CABLES1: variants seen among roughly 807,000 people sequenced by gnomAD.
CABLES1 encodes the protein CDK5 and ABL1 enzyme substrate 1.
In CABLES1, 36 loss-of-function variants were observed where a neutral mutation model predicts 57.8. That is an observed-to-expected ratio of 0.62 (90% CI 0.48 to 0.82). CABLES1 has a LOEUF of 0.82. Ranked by LOEUF, CABLES1 falls within the 40% of genes least tolerant of loss-of-function variation. The pLI is 0.00. For missense variants in CABLES1, 767 were observed against 836.6 expected, an observed-to-expected ratio of 0.92 and a Z score of 1.03; for synonymous variants, 374 against 363.0, an observed-to-expected ratio of 1.03 and a Z score of -0.35.
chr18:23,135,173 G>A, upstream of CABLES1, among the ~76,000 whole-genome samples: 1 of 152,166 alleles, frequency 6.6e-6, no homozygotes, highest in South Asian at 2.1e-4. Flanking sequence ...GCGCGCGGGG[G>A]AAACGTGCTC....
chr18:23,194,403 C>T (rs375409343), intron 2 of CABLES1, 45 bp from the exon 3 acceptor site: 1 of 1,251,936 alleles, frequency 8.0e-7, no homozygotes, highest in Non-Finnish European at 1.2e-6. Context: ...TCTCAGCTGT[C>T]CAGCAGGCAA....
At chr18:23,178,205 G>A (rs1200079475) in intron 1 of CABLES1, among the ~76,000 whole-genome samples, 3 of 151,314 alleles carry the variant, frequency 2.0e-5, no homozygotes, top group Non-Finnish European at 2.9e-5. Context: ...AAACCTTTTC[G>A]GATCCTGATT....
chr18:23,179,154 C>T (rs1459808721), intron 1 of CABLES1, among the ~76,000 whole-genome samples: 1 of 151,938 alleles, frequency 6.6e-6, no homozygotes, highest in Non-Finnish European at 1.5e-5. Context: ...GGTATTGTGG[C>T]GGGTCCCTGT....
intron 4 of CABLES1, among the ~76,000 whole-genome samples, chr18:23,226,317 G>A (rs570845425): frequency 6.6e-6 from 1 of 151,652 alleles, no homozygotes; most frequent in South Asian, 2.1e-4. Flanking sequence ...CAGGAGAATT[G>A]CTTGAACCTG....
intron 7 of CABLES1, among the ~76,000 whole-genome samples, chr18:23,240,764 A>G (rs12458523): frequency 0.36 from 54,997 of 152,112 alleles, 10,296 homozygotes; most frequent in Admixed American, 0.49. Flanking sequence ...AGAGGCGCCC[A>G]CCTGAAATCC....
Position 23,136,323 on chromosome 18 carries a change from T to A in CABLES1, c.561T>A (p.Pro187=). ...GEQWQPPRPA[P]LAACAQLQLL... Reference sequence around the variant, plus strand: ...AGTGGCAGCCGCCCCGGCCGGCGCCTCTCGCCGCCTGTGCCCAACTGCAGC... The same window carrying A: ...AGTGGCAGCCGCCCCGGCCGGCGCCACTCGCCGCCTGTGCCCAACTGCAGC... The change falls in exon 1 of 10, where the codon CCT becomes CCA. Residue 187 remains proline, a synonymous_variant. Coordinates refer to ENST00000256925, the MANE Select transcript of CABLES1 (RefSeq NM_001100619.3). 8 of 1,405,972 alleles carry A rather than the reference T, an allele frequency of 5.7e-6. No individual in the cohort carries two copies. The highest frequency in any genetic ancestry group is 7.4e-6 in the Non-Finnish European group (8 of 1,085,046). The allele number at this position is 1,405,972 out of a possible 1,614,324, so 87.1% of individuals were successfully genotyped here.
At chr18:23,234,082 G>A (rs1160272022) in intron 4 of CABLES1, among the ~76,000 whole-genome samples, 2 of 152,186 alleles carry the variant, frequency 1.3e-5, no homozygotes, top group East Asian at 3.8e-4. Context: ...GCCGGCCGTG[G>A]TGGTGCGCGC....
intron 1 of CABLES1, among the ~76,000 whole-genome samples, chr18:23,156,578 A>G (rs1179006541): frequency 6.6e-6 from 1 of 152,254 alleles, no homozygotes; most frequent in Non-Finnish European, 1.5e-5. Flanking sequence ...GCAAGCACTG[A>G]ATTAGGAAAT....
At chr18:23,215,503 T>G (rs1340075132) in intron 4 of CABLES1, among the ~76,000 whole-genome samples, 1 of 152,204 alleles carries the variant, frequency 6.6e-6, no homozygotes, top group East Asian at 1.9e-4. Context: ...CAGCAGGTCC[T>G]CTCTTGGCCA....
At chr18:23,144,934 CTTTCTTTTTTTTT>C (rs1196021514) in intron 1 of CABLES1, among the ~76,000 whole-genome samples, 2 of 144,930 alleles carry the variant, frequency 1.4e-5, no homozygotes, top group African/African-American at 5.3e-5. Context: ...TTTTTTTTTT[CTTTCTTTTTTTTT>C]TTCTTTGAGA....
At chr18:23,213,833 GAAT>G in intron 3 of CABLES1, 141 bp from the exon 4 acceptor site, 1 of 591,870 alleles carries the variant, frequency 1.7e-6, no homozygotes, top group Non-Finnish European at 3.0e-6. Flanking sequence ...AAGGAGAGCA[GAAT>G]ACCATCTGCC....
chr18:23,226,037 G>A (rs1006340364), intron 4 of CABLES1, among the ~76,000 whole-genome samples: 1 of 152,262 alleles, frequency 6.6e-6, no homozygotes, highest in African/African-American at 2.4e-5. Flanking sequence ...TAGCTTAGGG[G>A]AAAGGGTCCT....
chr18:23,239,108 T>A (rs574202476), intron 7 of CABLES1, among the ~76,000 whole-genome samples: 31 of 152,244 alleles, frequency 2.0e-4, no homozygotes, highest in Non-Finnish European at 4.1e-4. Context: ...ATGATTTCAT[T>A]GTGAGCCTTG....
At chr18:23,230,006 G>A (rs750282269) in intron 4 of CABLES1, among the ~76,000 whole-genome samples, 3 of 152,160 alleles carry the variant, frequency 2.0e-5, no homozygotes, top group Non-Finnish European at 2.9e-5. Context: ...GAATGAACCC[G>A]GAAAAGTTTG....
chr18:23,147,326 C>T (rs182938219), intron 1 of CABLES1, among the ~76,000 whole-genome samples: 1 of 152,238 alleles, frequency 6.6e-6, no homozygotes, highest in Non-Finnish European at 1.5e-5. Flanking sequence ...TTGGACAACA[C>T]GCTTAACCAC....
At chr18:23,252,777 C>T (rs1484175658) in intron 7 of CABLES1, among the ~76,000 whole-genome samples, 183 bp from the exon 8 acceptor site, 4 of 152,184 alleles carry the variant, frequency 2.6e-5, no homozygotes, top group Non-Finnish European at 4.4e-5. Flanking sequence ...GTTTTCCGTT[C>T]GCCTCCAGAA....
At position 23,257,317 on chromosome 18, in the gene CABLES1, C is replaced by G. The variant is rs756392758; in HGVS notation, c.1852C>G (p.Pro618Ala). Residue 618 changes from proline to alanine, a missense_variant, in exon 10 of 10, where the codon CCC becomes GCC. Coordinates refer to ENST00000256925, the MANE Select transcript of CABLES1 (RefSeq NM_001100619.3). ...GGCCTTGGAATTCGCCCTCCACTTGCCCGAGCACGAAGTCATGCCCCACTA... is the reference window on the plus strand; with the variant it reads ...GGCCTTGGAATTCGCCCTCCACTTGGCCGAGCACGAAGTCATGCCCCACTA... ...LVALEFALHL[P>A]EHEVMPHYRR... The G allele has an allele frequency of 6.2e-7, 1 of 1,613,948 alleles. No homozygotes were observed.
intron 3 of CABLES1, among the ~76,000 whole-genome samples, chr18:23,203,873 G>A (rs1289233884): frequency 6.6e-6 from 1 of 152,056 alleles, no homozygotes; most frequent in Admixed American, 6.6e-5. Flanking sequence ...TTTTCCTCTC[G>A]GAGATTTTGT....
chr18:23,254,295 A>G (rs1408749202), intron 9 of CABLES1, among the ~76,000 whole-genome samples: 1 of 152,222 alleles, frequency 6.6e-6, no homozygotes, highest in Non-Finnish European at 1.5e-5. Flanking sequence ...TGCTTCAGTA[A>G]GACCTTGGCT....
Sources: allele counts gnomAD v4.1 joint callset (sites outside exome capture counted in the v4.1 genomes callset), GRCh38; gene constraint gnomAD v4.1.1; transcripts MANE v1.5; gene names NCBI Gene and HGNC (gene_info 2026-07-23, HGNC 2026-07-21).